Variants in WNK3 observed in about 807,000 individuals in gnomAD.
The protein encoded by WNK3 is serine/threonine-protein kinase WNK3.
WNK3 carries 18 observed loss-of-function variants against 116.7 expected under a neutral mutation model. That is an observed-to-expected ratio of 0.15 (90% confidence interval 0.11 to 0.23). The LOEUF (loss-of-function observed/expected upper bound fraction) is 0.23, where lower values mean the gene tolerates loss of function less well. Among genes scored for constraint, WNK3 ranks in the 10% least tolerant of loss-of-function variants. WNK3 has a pLI of 1.00. For missense variants in WNK3, 993 were observed against 1,323.8 expected (o/e 0.75, Z 3.88); for synonymous variants, 404 against 469.4 (o/e 0.86, Z 1.80).
exon 24 of WNK3, chrX:54,194,950 C>G (rs1482314513): frequency 9.0e-6 from 1 of 111,559 alleles, no homozygotes; most frequent in Non-Finnish European, 1.9e-5. Context: ...ATTTTGCTGT[C>G]AAACCATTGG....
intron 10 of WNK3, among the ~76,000 whole-genome samples, chrX:54,279,497 G>A (rs1218283310): frequency 9.9e-5 from 11 of 111,324 alleles, no homozygotes; most frequent in African/African-American, 2.6e-4. Flanking sequence ...CTGGGAGGTC[G>A]AGGCTACAGT....
intron 21 of WNK3, among the ~76,000 whole-genome samples, chrX:54,231,666 G>C (rs1454770787): frequency 2.7e-5 from 3 of 111,933 alleles, no homozygotes; most frequent in African/African-American, 9.7e-5. Context: ...GATAATCCAG[G>C]ATAATCTCCC....
At chrX:54,274,272 TC>T in intron 10 of WNK3, among the ~76,000 whole-genome samples, 1 of 111,606 alleles carries the variant, frequency 9.0e-6, no homozygotes, top group South Asian at 3.7e-4. Flanking sequence ...TACTTTTGCT[TC>T]CATCATTAAA....
intron 22 of WNK3, among the ~76,000 whole-genome samples, chrX:54,208,414 G>A (rs1425854475): frequency 1.8e-5 from 2 of 110,271 alleles, no homozygotes; most frequent in African/African-American, 3.3e-5. Flanking sequence ...GTGAGCCACC[G>A]CGCCCGGCCC....
intron 10 of WNK3, among the ~76,000 whole-genome samples, chrX:54,276,841 G>A (rs781822237): frequency 9.2e-6 from 1 of 109,076 alleles, no homozygotes; most frequent in South Asian, 4.0e-4. Flanking sequence ...TCAACCTCCC[G>A]AGTGGCTGGG....
In WNK3 at chrX:54,293,129, C is replaced by T; in HGVS notation, c.1887+5G>A. 2 of 1,198,746 alleles carry T rather than the reference C, an allele frequency of 1.7e-6. No individual in the cohort carries two copies. Among genetic ancestry groups the T allele is most frequent in the Non-Finnish European group, 2.2e-6 (2 of 888,916 alleles). Reference sequence around the variant, plus strand: ...TATATTTAAAAATATAACAGTTCACCTCACCCCTGAAACTTGCTGGTAATG... The same window carrying T: ...TATATTTAAAAATATAACAGTTCACTTCACCCCTGAAACTTGCTGGTAATG... On this transcript the variant is annotated splice_donor_5th_base_variant and intron_variant, in intron 9 of 23. Coordinates refer to ENST00000354646, the Ensembl canonical transcript of WNK3.
At chrX:54,263,395 T>C (rs782740797) in intron 10 of WNK3, among the ~76,000 whole-genome samples, 45 of 112,216 alleles carry the variant, frequency 4.0e-4, no homozygotes, top group Middle Eastern at 4.6e-3. Context: ...CACCTAATCC[T>C]AATAAGCCTG....
intron 1 of WNK3, among the ~76,000 whole-genome samples, chrX:54,344,943 C>CAA (rs782685356): frequency 1.7e-4 from 8 of 46,494 alleles, no homozygotes; most frequent in African/African-American, 3.4e-4. Context: ...GACTCCCTCT[C>CAA]AAAAAAAAAA....
chrX:54,314,777 T>G (rs1454391409), intron 2 of WNK3, among the ~76,000 whole-genome samples: 1 of 111,466 alleles, frequency 9.0e-6, no homozygotes, highest in Non-Finnish European at 1.9e-5. Flanking sequence ...AGTGAGATGC[T>G]GTCTCAAAAA....
At chrX:54,291,098 G>C (rs934479674) in intron 10 of WNK3, among the ~76,000 whole-genome samples, 5 of 111,144 alleles carry the variant, frequency 4.5e-5, no homozygotes, top group Non-Finnish European at 7.5e-5. Context: ...CGGATCACGA[G>C]GTCAGGAGAT....
intron 22 of WNK3, among the ~76,000 whole-genome samples, chrX:54,227,600 CAA>C (rs1372152091): frequency 9.0e-6 from 1 of 111,682 alleles, no homozygotes; most frequent in African/African-American, 3.3e-5. Flanking sequence ...GAAATGAAAA[CAA>C]ATGTCCACAT....
In WNK3 at chrX:54,286,827, C is replaced by T. The variant is rs781850236; in HGVS notation, c.2037+6061G>A. ...ACTCAGGAGGTTGAGGCAGGAGAAT[C>T]AGTTGAACCCAGGAGGCAGAGATTG... On this transcript the variant is annotated intron_variant, in intron 10 of 23. Transcript: ENST00000354646. Among the ~76,000 whole-genome samples, 352 of 107,082 alleles carry T rather than the reference C, an allele frequency of 3.3e-3. 2 individuals are homozygous for T. The highest frequency in any genetic ancestry group is 0.012 in the African/African-American group (341 of 29,192). 93.0% of individuals were successfully genotyped at this position (107,082 alleles called of 115,157 possible).
At chrX:54,275,188 C>T (rs1395653452) in intron 10 of WNK3, among the ~76,000 whole-genome samples, 1 of 108,205 alleles carries the variant, frequency 9.2e-6, no homozygotes, top group East Asian at 2.9e-4. Context: ...CGGTGGTAGG[C>T]AGCTGTAATC....
chrX:54,269,591 C>T, intron 10 of WNK3, among the ~76,000 whole-genome samples: 1 of 111,520 alleles, frequency 9.0e-6, no homozygotes, highest in African/African-American at 3.3e-5. Flanking sequence ...GAAATGAGTG[C>T]ATATATTCAC....
rs782658547 is a variant in WNK3, at chrX:54,202,204, A to G, written c.4871-11T>C. ...CCACACACAGTGGATCTATAAGACA[A>G]AAAAAACAACAACAGGGAAACCATG... is the stretch of plus-strand genomic sequence containing the variant. On this transcript the variant is annotated splice_polypyrimidine_tract_variant and intron_variant, in intron 22 of 23. Transcript: ENST00000354646. The G allele has an allele frequency of 2.5e-6, 3 of 1,180,455 alleles. No individual in the cohort carries two copies. The highest frequency in any genetic ancestry group is 3.8e-5 in the South Asian group (2 of 53,124).
intron 20 of WNK3, among the ~76,000 whole-genome samples, chrX:54,233,722 C>T (rs781974143): frequency 1.1e-4 from 12 of 109,034 alleles, no homozygotes; most frequent in Non-Finnish European, 2.1e-4. Flanking sequence ...TGCCTGTAAT[C>T]CCAGCACTTT....
intron 10 of WNK3, among the ~76,000 whole-genome samples, chrX:54,287,806 T>C (rs1557164221): frequency 8.9e-6 from 1 of 111,940 alleles, no homozygotes; most frequent in Non-Finnish European, 1.9e-5. Flanking sequence ...GCTGTATCTA[T>C]TATAGTTCAC....
intron 22 of WNK3, among the ~76,000 whole-genome samples, chrX:54,208,519 C>T (rs1557143133): frequency 9.0e-6 from 1 of 111,099 alleles, no homozygotes; most frequent in Admixed American, 9.6e-5. Flanking sequence ...TGATTACAGG[C>T]GTGTGCCACC....
intron 10 of WNK3, among the ~76,000 whole-genome samples, chrX:54,283,865 G>GAA (rs782302268): frequency 3.4e-5 from 3 of 87,088 alleles, no homozygotes; most frequent in African/African-American, 4.2e-5. Context: ...ATTCCTAGAG[G>GAA]AAAAAAAAAA....
Sources: allele counts gnomAD v4.1 joint callset (sites outside exome capture counted in the v4.1 genomes callset), GRCh38; gene constraint gnomAD v4.1.1; transcripts MANE v1.5; gene names NCBI Gene and HGNC (gene_info 2026-07-23, HGNC 2026-07-21).